Variants in ERC1 observed in about 807,000 individuals in gnomAD.
ERC1 encodes the protein RAB6 interacting protein 2.
Under a neutral mutation model 132.0 loss-of-function variants are expected in ERC1, and 56 were observed. That is an observed-to-expected ratio of 0.42 (90% confidence interval 0.34 to 0.53). The LOEUF is 0.53. Among genes scored for constraint, ERC1 ranks in the 20% least tolerant of loss-of-function variants. The pLI is 0.03. For synonymous variants in ERC1, 478 were observed against 476.1 expected (o/e 1.00, Z -0.05); for missense variants, 1,202 against 1,349.9 (o/e 0.89, Z 1.72).
In ERC1 at chr12:1,249,169, TTTACA is replaced by T. The variant is rs1366563731; in HGVS notation, c.2487+12270_2487+12274del. Among the ~76,000 whole-genome samples the T allele has an allele frequency of 4.1e-4, 63 of 152,264 alleles. 1 individual carries two copies. The highest frequency in any genetic ancestry group is 1.4e-3 in the African/African-American group (60 of 41,548). ...AGCCTCCAAAATGCATGGATTATAC[TTTACA>T]TTACTTATTATAACTTTTTATTTCT... On this transcript the variant is annotated intron_variant, in intron 13 of 18. Transcript: ENST00000360905.
At chr12:1,099,446 T>C (rs1410920273) in intron 3 of ERC1, among the ~76,000 whole-genome samples, 1 of 152,138 alleles carries the variant, frequency 6.6e-6, no homozygotes, top group East Asian at 1.9e-4. Context: ...CCACTCTAAC[T>C]CCTGTTCATC....
intron 16 of ERC1, among the ~76,000 whole-genome samples, chr12:1,394,989 G>GA (rs1470562972): frequency 3.3e-5 from 5 of 152,164 alleles, no homozygotes; most frequent in Non-Finnish European, 7.3e-5. Flanking sequence ...CTTTTCTTTA[G>GA]ATATGGTGTT....
At chr12:1,402,535 GAGAA>G (rs1399115585) in intron 16 of ERC1, among the ~76,000 whole-genome samples, 4 of 150,134 alleles carry the variant, frequency 2.7e-5, no homozygotes, top group Admixed American at 6.6e-5. Context: ...AAAAAAGAAA[GAGAA>G]AGAAAAAAAG....
At chr12:1,112,614 T>C (rs1333467098) in intron 6 of ERC1, among the ~76,000 whole-genome samples, 1 of 152,234 alleles carries the variant, frequency 6.6e-6, no homozygotes, top group Non-Finnish European at 1.5e-5. Flanking sequence ...TTTATATGAA[T>C]GGCGGCCTTC....
At chr12:1,334,931 T>G (rs2083186481) in intron 15 of ERC1, among the ~76,000 whole-genome samples, 1 of 152,204 alleles carries the variant, frequency 6.6e-6, no homozygotes, top group South Asian at 2.1e-4. Flanking sequence ...GTTCTTCTTG[T>G]AGAGATCTTT....
rs555737520 is a variant in ERC1, at chr12:1,282,289, A to C, written c.2620-7563A>C. Among the ~76,000 whole-genome samples, 8 of 152,254 alleles carry C rather than the reference A, an allele frequency of 5.3e-5. No homozygotes were observed. The East Asian group carries it at 1.2e-3, about 22-fold the overall frequency. The stretch of plus-strand genomic sequence containing the variant: ...TTCTCTGTATGACCTCGGACAAGGC[A>C]CTTAAACCCACTAACCCTGTTTCTT... On this transcript the variant is annotated intron_variant, in intron 14 of 18. Coordinates refer to ENST00000360905, the MANE Select transcript of ERC1 (RefSeq NM_178040.4).
chr12:1,220,882 C>G (rs577766308), intron 12 of ERC1, among the ~76,000 whole-genome samples: 50 of 152,308 alleles, frequency 3.3e-4, no homozygotes, highest in African/African-American at 1.1e-3. Context: ...GGCCTCGTGC[C>G]CATTCGCATT....
chr12:1,418,587 T>C (rs557970098), intron 17 of ERC1, among the ~76,000 whole-genome samples: 22 of 113,056 alleles, frequency 1.9e-4, no homozygotes, highest in Admixed American at 3.5e-4. Context: ...CTTTCTTTCT[T>C]TCTCTTTCTT....
chr12:1,014,094 CTG>C (rs1374033937), intron 1 of ERC1, among the ~76,000 whole-genome samples: 1 of 151,500 alleles, frequency 6.6e-6, no homozygotes, highest in Non-Finnish European at 1.5e-5. Context: ...CCATTAATTG[CTG>C]TGTAAATTAG....
chr12:1,028,152 A>G lies in ERC1; in HGVS notation c.249A>G (p.Glu83=), dbSNP rs772898864. Residue 83 remains glutamate, a synonymous_variant, in exon 2 of 19, where the codon GAA becomes GAG. Coordinates refer to ENST00000360905, the MANE Select transcript of ERC1 (RefSeq NM_178040.4). ...GTGACCATGAAAATGTGGGTTCAGA[A>G]ACACCTAAAAGCACCATGACACTTG... is the stretch of plus-strand genomic sequence containing the variant. ...YLSDHENVGS[E]TPKSTMTLGR... is the part of the protein sequence containing the mutation. 1.2e-6 allele frequency: 2 copies of G among 1,614,192 alleles called. No individual in the cohort carries two copies. Among genetic ancestry groups the G allele is most frequent in the Non-Finnish European group, 1.7e-6 (2 of 1,180,038 alleles).
intron 12 of ERC1, chr12:1,204,452 TCTAA>T: frequency 2.0e-6 from 3 of 1,510,370 alleles, no homozygotes; most frequent in Non-Finnish European, 2.7e-6. Flanking sequence ...ATTAATTCTT[TCTAA>T]CTTTCTTTTT....
intron 16 of ERC1, chr12:1,386,592 G>A (rs893510448): frequency 2.3e-5 from 3 of 132,232 alleles, no homozygotes; most frequent in African/African-American, 8.8e-5. Context: ...AGGTTGCAGT[G>A]AGCCAAGATT....
chr12:1,225,853 T>C (rs1233319987), intron 12 of ERC1, among the ~76,000 whole-genome samples: 1 of 152,314 alleles, frequency 6.6e-6, no homozygotes, highest in South Asian at 2.1e-4. Context: ...TTAAATTTTT[T>C]TCTCTCTCTT....
chr12:1,187,310 C>T (rs1955205892), intron 11 of ERC1, among the ~76,000 whole-genome samples: 2 of 151,812 alleles, frequency 1.3e-5, no homozygotes, highest in South Asian at 4.1e-4. Context: ...TACTCTGATA[C>T]AGAATTTGTT....
At chr12:1,385,407 C>G (rs1267634603) in intron 16 of ERC1, among the ~76,000 whole-genome samples, 1 of 152,076 alleles carries the variant, frequency 6.6e-6, no homozygotes, top group Non-Finnish European at 1.5e-5. Flanking sequence ...CTCAGCCTCC[C>G]GAGTAGCTGG....
intron 2 of ERC1, among the ~76,000 whole-genome samples, chr12:1,080,017 G>T (rs1207719204): frequency 6.6e-6 from 1 of 152,238 alleles, no homozygotes; most frequent in African/African-American, 2.4e-5. Context: ...GTGGATTCAT[G>T]TGTAAAGATA....
chr12:1,237,810 G>A (rs1206667586), intron 13 of ERC1, among the ~76,000 whole-genome samples: 1 of 152,212 alleles, frequency 6.6e-6, no homozygotes, highest in African/African-American at 2.4e-5. Flanking sequence ...TGAAAGCCAT[G>A]CTAAGACTAA....
chr12:1,462,300 C>T (rs1322370893), intron 18 of ERC1, among the ~76,000 whole-genome samples: 1 of 152,142 alleles, frequency 6.6e-6, no homozygotes, highest in African/African-American at 2.4e-5. Flanking sequence ...TATAGATGTA[C>T]ATCTATCCTG....
chr12:1,082,640 G>A (rs572157636), intron 2 of ERC1, among the ~76,000 whole-genome samples: 6 of 151,748 alleles, frequency 4.0e-5, no homozygotes, highest in South Asian at 4.2e-4. Flanking sequence ...ACAGGCACAC[G>A]CCACCACGCC....
Sources: allele counts gnomAD v4.1 joint callset (sites outside exome capture counted in the v4.1 genomes callset), GRCh38; gene constraint gnomAD v4.1.1; transcripts MANE v1.5; gene names NCBI Gene and HGNC (gene_info 2026-07-23, HGNC 2026-07-21).